The following BEND6 variants were observed in gnomAD, a reference collection of about 807,000 sequenced individuals.
BEND6 encodes BEN domain-containing protein 6.
Under a neutral mutation model 31.8 loss-of-function variants are expected in BEND6, and 24 were observed. The observed-to-expected ratio is 0.75, with a 90% CI of 0.55 to 1.06. The LOEUF is 1.06. Among genes scored for constraint, BEND6 ranks in the 50% least tolerant of loss-of-function variants. The probability of loss-of-function intolerance (pLI) is 0.00; values close to 1 mark genes in which losing one functional copy is unlikely to be tolerated. For synonymous variants in BEND6, 109 were observed against 114.6 expected (o/e 0.95, Z 0.31); for missense variants, 294 against 327.4 (o/e 0.90, Z 0.79).
rs539159848 is a variant in BEND6 at position 57,026,425 on chromosome 6, A to G, written c.*353A>G. The G allele has an allele frequency of 3.9e-5, 6 of 152,376 alleles. No homozygotes were observed. The highest frequency in any genetic ancestry group is 1.4e-4 in the African/African-American group (6 of 41,594). The allele number at this position is 152,376 out of a possible 1,614,324, so 9.4% of individuals were successfully genotyped here. A position where few individuals can be genotyped will look rare whatever the true frequency, so the allele number is the denominator to read the frequency against. ...AGTCAGAGCTCTTATCATAGCAGCC[A>G]AAACTTCAGCCCATAGGTTAGTCAT... On this transcript the variant is annotated 3_prime_UTR_variant, in exon 7 of 7. Transcript: ENST00000370746.
At chr6:57,015,080 A>G (rs1415607519) in intron 3 of BEND6, 53 bp from the exon 4 acceptor site, 1 of 1,483,278 alleles carries the variant, frequency 6.7e-7, no homozygotes, top group Non-Finnish European at 9.3e-7. Flanking sequence ...ATATGTACAT[A>G]TGCACCTATT....
intron 2 of BEND6, among the ~76,000 whole-genome samples, chr6:56,990,096 G>C (rs796834678): frequency 2.6e-5 from 4 of 151,990 alleles, no homozygotes; most frequent in African/African-American, 9.6e-5. Context: ...TGTAATAAGA[G>C]ATCCATTTCC....
At chr6:57,017,112 G>T (rs1252652070) in intron 4 of BEND6, 95 bp from the exon 5 acceptor site, 1 of 639,172 alleles carries the variant, frequency 1.6e-6, no homozygotes, top group Non-Finnish European at 2.3e-6. Context: ...AAAAAATGTT[G>T]ACATTGTTTT....
intron 3 of BEND6, among the ~76,000 whole-genome samples, chr6:56,997,711 G>A (rs369309560): frequency 1.4e-4 from 22 of 152,172 alleles, no homozygotes; most frequent in Admixed American, 8.5e-4. Context: ...CTGCCACCAC[G>A]CCTGGCTAAT....
At chr6:57,023,910 T>C (rs1331493371) in intron 6 of BEND6, among the ~76,000 whole-genome samples, 1 of 152,240 alleles carries the variant, frequency 6.6e-6, no homozygotes, top group Non-Finnish European at 1.5e-5. Context: ...TGTGGTTAAA[T>C]GATTTTCTCT....
At chr6:57,012,306 CAAAA>C (rs949014484) in intron 3 of BEND6, among the ~76,000 whole-genome samples, 1 of 151,454 alleles carries the variant, frequency 6.6e-6, no homozygotes, top group Non-Finnish European at 1.5e-5. Flanking sequence ...GAAAAAGAGA[CAAAA>C]AAAGGAGAAT....
At chr6:57,012,823 T>C (rs1827392643) in intron 3 of BEND6, among the ~76,000 whole-genome samples, 1 of 152,208 alleles carries the variant, frequency 6.6e-6, no homozygotes, top group Non-Finnish European at 1.5e-5. Context: ...TAAATATTCT[T>C]GTAGTCCCAC....
chr6:57,000,574 TA>T (rs1254892782), intron 3 of BEND6, among the ~76,000 whole-genome samples: 1 of 113,670 alleles, frequency 8.8e-6, no homozygotes. Context: ...CAATAAATAC[TA>T]AAAAAACAAA....
chr6:56,971,086 A>G (rs1348586540), intron 1 of BEND6, among the ~76,000 whole-genome samples: 1 of 152,280 alleles, frequency 6.6e-6, no homozygotes, highest in East Asian at 1.9e-4. Context: ...GATACTTTTC[A>G]TCTTACAAAA....
At chr6:57,019,309 C>T (rs941495506) in intron 6 of BEND6, among the ~76,000 whole-genome samples, 1 of 152,200 alleles carries the variant, frequency 6.6e-6, no homozygotes, top group Non-Finnish European at 1.5e-5. Flanking sequence ...CCCCTCCTCT[C>T]TCTCAACTAT....
At position 56,981,950 on chromosome 6, in the gene BEND6, G is replaced by GACTCA. The variant is rs1470266782; in HGVS notation, c.120+24_120+28dup. 4 of 1,596,470 alleles carry GACTCA rather than the reference G, an allele frequency of 2.5e-6. No homozygotes were observed. The highest frequency in any genetic ancestry group is 3.4e-6 in the Non-Finnish European group (4 of 1,174,064). ...GGACAGGTTGGTTTTTTGTTACCTT[G>GACTCA]ACTCAACTTTGTTATCTAGCTCAAT... On this transcript the variant is annotated intron_variant, in intron 2 of 6. Transcript: ENST00000370746.
chr6:57,014,504 G>A (rs1347853084), intron 3 of BEND6: 2 of 1,523,246 alleles, frequency 1.3e-6, no homozygotes, highest in Non-Finnish European at 1.8e-6. Flanking sequence ...ATTTTACATG[G>A]AGGCATGAAA....
At chr6:56,980,159 C>T (rs1440766345) in intron 1 of BEND6, among the ~76,000 whole-genome samples, 2 of 152,128 alleles carry the variant, frequency 1.3e-5, no homozygotes, top group Non-Finnish European at 2.9e-5. Flanking sequence ...TTGCCTATGC[C>T]TCTTGATTGC....
chr6:56,974,178 AT>A (rs1825793820), intron 1 of BEND6, among the ~76,000 whole-genome samples: 1 of 152,182 alleles, frequency 6.6e-6, no homozygotes, highest in Non-Finnish European at 1.5e-5. Context: ...ACTGTTTTTA[AT>A]TTGTCGGTAA....
intron 1 of BEND6, among the ~76,000 whole-genome samples, chr6:56,980,250 A>T (rs1826022618): frequency 2.0e-5 from 3 of 152,054 alleles, no homozygotes; most frequent in Non-Finnish European, 2.9e-5. Flanking sequence ...GTGCAGTGGC[A>T]TGATCTCAGT....
chr6:56,968,312 C>CTTTTTTTTTTTTTTTTTTTTTTTTT (rs779756084), intron 1 of BEND6, among the ~76,000 whole-genome samples: 3 of 65,984 alleles, frequency 4.5e-5, no homozygotes, highest in African/African-American at 1.3e-4. Flanking sequence ...TCTTTCTTTT[C>CTTTTTTTTTTTTTTTTTTTTTTTTT]TTTTTTTTTT....
At chr6:56,983,660 A>G (rs939267072) in intron 2 of BEND6, among the ~76,000 whole-genome samples, 1 of 152,168 alleles carries the variant, frequency 6.6e-6, no homozygotes, top group South Asian at 2.1e-4. Context: ...TTAGGGCTCA[A>G]TGATATTCCA....
At chr6:56,997,344 CCT>C (rs774597514) in intron 3 of BEND6, among the ~76,000 whole-genome samples, 8 of 152,140 alleles carry the variant, frequency 5.3e-5, no homozygotes, top group Non-Finnish European at 8.8e-5. Context: ...ATTCTCCTCC[CCT>C]GTTTTGTTTC....
chr6:56,975,582 C>G (rs1825844003), intron 1 of BEND6: 1 of 320,280 alleles, frequency 3.1e-6, no homozygotes, highest in Non-Finnish European at 6.3e-6. Context: ...CCAGTATCCA[C>G]TTATTTCTTC....
Sources: allele counts gnomAD v4.1 joint callset (sites outside exome capture counted in the v4.1 genomes callset), GRCh38; gene constraint gnomAD v4.1.1; transcripts MANE v1.5; gene names NCBI Gene and HGNC (gene_info 2026-07-23, HGNC 2026-07-21).